PHKB: variants seen among roughly 807,000 people sequenced by gnomAD.
PHKB encodes phosphorylase b kinase regulatory subunit beta.
Under a neutral mutation model 152.1 loss-of-function variants are expected in PHKB, and 122 were observed. The observed-to-expected ratio is 0.80, with a 90% CI of 0.69 to 0.93. PHKB has a LOEUF of 0.93. PHKB is among the 40% of genes least tolerant of loss of function. PHKB has a pLI of 0.00. For missense variants in PHKB, 1,304 were observed against 1,328.4 expected (o/e 0.98, Z 0.29); for synonymous variants, 436 against 464.9 (o/e 0.94, Z 0.80).
At chr16:47,590,090 G>A (rs1421503881) in intron 10 of PHKB, among the ~76,000 whole-genome samples, 1 of 152,088 alleles carries the variant, frequency 6.6e-6, no homozygotes, top group Non-Finnish European at 1.5e-5. Flanking sequence ...GTGCCTGGCT[G>A]AAAGGTATTT....
intron 13 of PHKB, among the ~76,000 whole-genome samples, chr16:47,598,442 T>C (rs1972161773): frequency 6.6e-6 from 1 of 152,208 alleles, no homozygotes. Flanking sequence ...CATAGAAATA[T>C]CATCTTTGAA....
chr16:47,648,771 G>A (rs1973181003), intron 17 of PHKB, among the ~76,000 whole-genome samples, 155 bp downstream of exon 17: 1 of 151,968 alleles, frequency 6.6e-6, no homozygotes, highest in African/African-American at 2.4e-5. Flanking sequence ...TACTTATTTA[G>A]CATCATATCA....
At chr16:47,640,892 A>C in intron 14 of PHKB, 143 bp from the exon 15 acceptor site, 1 of 744,842 alleles carries the variant, frequency 1.3e-6, no homozygotes, top group Non-Finnish European at 2.4e-6. Context: ...GCAAGGAAAG[A>C]AAGGTGGCCG....
chr16:47,563,331 A>G (rs1002057853), intron 7 of PHKB, among the ~76,000 whole-genome samples: 1 of 151,830 alleles, frequency 6.6e-6, no homozygotes, highest in Non-Finnish European at 1.5e-5. Context: ...GACATTTCTT[A>G]AATAATAAAA....
At chr16:47,641,113 G>T in intron 15 of PHKB, 23 bp downstream of exon 15, 2 of 1,594,806 alleles carry the variant, frequency 1.3e-6, no homozygotes, top group East Asian at 2.2e-5. Flanking sequence ...AGTGGGTGGT[G>T]TGTTTTTTTG....
intron 7 of PHKB, among the ~76,000 whole-genome samples, chr16:47,573,835 G>A (rs1165535905): frequency 6.6e-6 from 1 of 152,240 alleles, no homozygotes; most frequent in Non-Finnish European, 1.5e-5. Flanking sequence ...TGAGTTAGCT[G>A]GCAGAATTCT....
At chr16:47,547,714 G>A in intron 7 of PHKB, 166 bp downstream of exon 7, 1 of 592,998 alleles carries the variant, frequency 1.7e-6, no homozygotes, top group Non-Finnish European at 3.0e-6. Flanking sequence ...ACACAAAAGA[G>A]CCCATCCTCA....
At chr16:47,555,990 T>C (rs1045639263) in intron 7 of PHKB, among the ~76,000 whole-genome samples, 1 of 152,180 alleles carries the variant, frequency 6.6e-6, no homozygotes, top group Non-Finnish European at 1.5e-5. Flanking sequence ...AGGTCCTTCA[T>C]GTCCCTTGTA....
At chr16:47,616,364 A>G (rs1000758586) in intron 14 of PHKB, among the ~76,000 whole-genome samples, 4 of 151,442 alleles carry the variant, frequency 2.6e-5, no homozygotes, top group African/African-American at 9.7e-5. Flanking sequence ...TGTGAGGCAT[A>G]GAGCCAGCTT....
At chr16:47,654,565 A>G (rs977705325) in intron 20 of PHKB, among the ~76,000 whole-genome samples, 8 of 152,260 alleles carry the variant, frequency 5.3e-5, no homozygotes, top group Admixed American at 4.6e-4. Flanking sequence ...ATGTCCAACA[A>G]TGATAGACTG....
intron 6 of PHKB, among the ~76,000 whole-genome samples, chr16:47,538,870 T>G (rs779243721): frequency 6.6e-6 from 1 of 152,208 alleles, no homozygotes; most frequent in Non-Finnish European, 1.5e-5. Flanking sequence ...TGGCTTTCTG[T>G]GTTATTGTTT....
At chr16:47,566,613 G>A (rs762814204) in intron 7 of PHKB, 2 of 1,335,732 alleles carry the variant, frequency 1.5e-6, no homozygotes, top group Non-Finnish European at 2.1e-6. Flanking sequence ...AGCAATGTAG[G>A]GTGACAATTT....
chr16:47,524,474 A>T (rs1471728969), intron 6 of PHKB, among the ~76,000 whole-genome samples: 1 of 152,212 alleles, frequency 6.6e-6, no homozygotes, highest in African/African-American at 2.4e-5. Context: ...CATGTGTCAG[A>T]AATATACAAC....
chr16:47,463,816 G>A, intron 1 of PHKB: 1 of 911,196 alleles, frequency 1.1e-6, no homozygotes, highest in East Asian at 2.5e-5. Flanking sequence ...ACTGCATCAT[G>A]TTAATAACTG....
intron 18 of PHKB, among the ~76,000 whole-genome samples, chr16:47,649,918 T>C (rs1973204660): frequency 6.6e-6 from 1 of 151,120 alleles, no homozygotes; most frequent in Non-Finnish European, 1.5e-5. Flanking sequence ...GACTGATTGA[T>C]TGACAGATAG....
chr16:47,689,176 G>T lies in PHKB; in HGVS notation c.2765+1G>T. 6.2e-7 allele frequency: 1 copy of T among 1,613,758 alleles called. No individual in the cohort carries two copies. Among genetic ancestry groups the T allele is most frequent in the Non-Finnish European group, 8.5e-7 (1 of 1,179,780 alleles). ...TTCTGCAGCCTCAACAGAATGGAAGGTAATAAGGGCCCCTTGTTACCTACA... is the reference window on the plus strand; with the variant it reads ...TTCTGCAGCCTCAACAGAATGGAAGTTAATAAGGGCCCCTTGTTACCTACA... On this transcript the variant is annotated splice_donor_variant, in intron 27 of 30. Transcript: ENST00000323584. LOFTEE classifies it high-confidence loss of function.
intron 4 of PHKB, chr16:47,505,625 G>A (rs1022271485): frequency 3.3e-5 from 5 of 152,120 alleles, no homozygotes; most frequent in South Asian, 4.1e-4. Context: ...TTTCAGATGC[G>A]TTTCCAACTT....
intron 6 of PHKB, chr16:47,529,659 A>G (rs1429256977): frequency 6.6e-6 from 1 of 152,078 alleles, no homozygotes; most frequent in African/African-American, 2.4e-5. Context: ...AAACATACAT[A>G]TTTTTTAAGT....
chr16:47,473,186 G>GGCCT (rs1401376688), intron 1 of PHKB, among the ~76,000 whole-genome samples: 2 of 142,500 alleles, frequency 1.4e-5, no homozygotes, highest in African/African-American at 2.6e-5. Context: ...CCTTCTGCTG[G>GGCCT]GCCTATAGGT....
Sources: allele counts gnomAD v4.1 joint callset (sites outside exome capture counted in the v4.1 genomes callset), GRCh38; gene constraint gnomAD v4.1.1; transcripts MANE v1.5; gene names NCBI Gene and HGNC (gene_info 2026-07-23, HGNC 2026-07-21).